Variants in AGTPBP1 observed in about 807,000 individuals in gnomAD.
AGTPBP1 encodes the protein cytosolic carboxypeptidase 1.
A neutral mutation model predicts 143.9 loss-of-function variants in AGTPBP1; 70 were observed. That is an observed-to-expected ratio of 0.49 (90% CI 0.40 to 0.59). The LOEUF is 0.59. AGTPBP1 is among the 20% of genes least tolerant of loss of function. AGTPBP1 has a pLI of 0.00. For missense variants in AGTPBP1, 1,229 were observed against 1,464.5 expected (o/e 0.84, Z 2.62); for synonymous variants, 463 against 500.2 (o/e 0.93, Z 0.99).
intron 13 of AGTPBP1, among the ~76,000 whole-genome samples, chr9:85,637,959 A>G (rs1832183137): frequency 6.6e-6 from 1 of 152,234 alleles, no homozygotes; most frequent in Admixed American, 6.5e-5. Context: ...AAGGTCTGAG[A>G]CACAAAAGGT....
At chr9:85,555,587 G>C (rs1214137282) in intron 25 of AGTPBP1, among the ~76,000 whole-genome samples, 1 of 152,090 alleles carries the variant, frequency 6.6e-6, no homozygotes, top group Non-Finnish European at 1.5e-5. Context: ...GACAGAATGA[G>C]ACTCCAACTC....
chr9:85,792,482 GGC>G, the AGTPBP1 span, among the ~76,000 whole-genome samples: 1 of 152,180 alleles, frequency 6.6e-6, no homozygotes, highest in Non-Finnish European at 1.5e-5. Context: ...CAAGGCCTGG[GGC>G]TAAGCCCATC....
At chr9:85,608,901 AG>A (rs1830143836) in intron 17 of AGTPBP1, among the ~76,000 whole-genome samples, 1 of 152,172 alleles carries the variant, frequency 6.6e-6, no homozygotes, top group Non-Finnish European at 1.5e-5. Context: ...GACCCTCAAT[AG>A]GGTGGAGGAA....
chr9:85,564,991 A>C (rs1460707121), intron 25 of AGTPBP1, among the ~76,000 whole-genome samples: 2 of 152,182 alleles, frequency 1.3e-5, no homozygotes, highest in African/African-American at 4.8e-5. Context: ...AGTGAGAAGA[A>C]GGCCACCTAT....
chr9:85,746,650 GGA>G (rs374466228), upstream of AGTPBP1, among the ~76,000 whole-genome samples: 1 of 151,362 alleles, frequency 6.6e-6, no homozygotes, highest in African/African-American at 2.4e-5. Context: ...AAGAGTGGGG[GGA>G]GAGAGAGAGA....
chr9:85,765,180 C>T, the AGTPBP1 span: 1 of 304,740 alleles, frequency 3.3e-6, no homozygotes, highest in Non-Finnish European at 6.2e-6. Flanking sequence ...CTATTAATTT[C>T]CTTGAGTATA....
chr9:85,769,448 G>C, the AGTPBP1 span, among the ~76,000 whole-genome samples: 1 of 151,260 alleles, frequency 6.6e-6, no homozygotes, highest in East Asian at 1.9e-4. Context: ...CTACTCAGGA[G>C]GGCAAGGTAG....
chr9:85,597,436 A>C (rs1193812646), intron 17 of AGTPBP1, among the ~76,000 whole-genome samples: 2 of 152,064 alleles, frequency 1.3e-5, no homozygotes, highest in Non-Finnish European at 2.9e-5. Flanking sequence ...ATTATGCCGA[A>C]TATAGTGGTA....
At chr9:85,728,926 TCA>T (rs746727891) in intron 1 of AGTPBP1, among the ~76,000 whole-genome samples, 15 of 152,344 alleles carry the variant, frequency 9.8e-5, no homozygotes, top group Admixed American at 4.6e-4. Context: ...GCAAAAGTAA[TCA>T]CAGTTATTGC....
At chr9:85,769,506 C>T in the AGTPBP1 span, among the ~76,000 whole-genome samples, 6 of 129,590 alleles carry the variant, frequency 4.6e-5, no homozygotes, top group Admixed American at 9.2e-5. Context: ...GGCAACATAG[C>T]GAGACCCTGT....
the AGTPBP1 span, among the ~76,000 whole-genome samples, chr9:85,774,449 T>G: frequency 2.0e-5 from 3 of 152,330 alleles, no homozygotes; most frequent in Non-Finnish European, 4.4e-5. Context: ...TATTCCTAGT[T>G]ATATTTCTGG....
the AGTPBP1 span, among the ~76,000 whole-genome samples, chr9:85,761,176 A>G: frequency 6.6e-6 from 1 of 152,230 alleles, no homozygotes; most frequent in Non-Finnish European, 1.5e-5. Context: ...AAGAATCAAT[A>G]TTGTGAAAAT....
At chr9:85,724,572 A>G (rs1235770649) in intron 1 of AGTPBP1, among the ~76,000 whole-genome samples, 1 of 152,208 alleles carries the variant, frequency 6.6e-6, no homozygotes, top group Non-Finnish European at 1.5e-5. Context: ...ATTGTTTACT[A>G]CAAAAGCAAC....
At chr9:85,704,093 GA>G (rs1836836652) in intron 2 of AGTPBP1, among the ~76,000 whole-genome samples, 1 of 152,208 alleles carries the variant, frequency 6.6e-6, no homozygotes, top group Non-Finnish European at 1.5e-5. Context: ...TATCAACATG[GA>G]AAGACAGGAA....
chr9:85,675,054 G>A (rs1834738338), intron 6 of AGTPBP1, among the ~76,000 whole-genome samples: 3 of 151,964 alleles, frequency 2.0e-5, no homozygotes, highest in Non-Finnish European at 4.4e-5. Flanking sequence ...GCGCCACCAT[G>A]CCTGGCTAAT....
At chr9:85,793,231 A>G in the AGTPBP1 span, among the ~76,000 whole-genome samples, 9,291 of 152,176 alleles carry the variant, frequency 0.061, 942 homozygotes, top group African/African-American at 0.21. Context: ...ATTGAACTAT[A>G]GCTGGAAAAT....
chr9:85,652,050 T>C (rs1301505630), intron 11 of AGTPBP1, among the ~76,000 whole-genome samples: 1 of 152,142 alleles, frequency 6.6e-6, no homozygotes, highest in Non-Finnish European at 1.5e-5. Flanking sequence ...TAGAGGCTGG[T>C]CACTAGAAAG....
At chr9:85,610,486 T>C (rs756336312) in intron 17 of AGTPBP1, among the ~76,000 whole-genome samples, 3 of 152,118 alleles carry the variant, frequency 2.0e-5, no homozygotes, top group East Asian at 1.9e-4. Flanking sequence ...AAGTATTCAA[T>C]AGAATCACTT....
chr9:85,578,495 AC>A (rs1369148015), intron 24 of AGTPBP1, among the ~76,000 whole-genome samples: 2 of 152,194 alleles, frequency 1.3e-5, no homozygotes, highest in African/African-American at 2.4e-5. Context: ...AGCTACACAT[AC>A]AAAAACCTAA....
Sources: gnomAD v4.1 joint callset for allele counts (sites outside exome capture counted in the v4.1 genomes callset) on GRCh38, gnomAD v4.1.1 for gene constraint, MANE v1.5 for transcripts, NCBI Gene and HGNC (gene_info 2026-07-23, HGNC 2026-07-21) for gene names.